Variants in DLGAP2 observed in about 807,000 individuals in gnomAD.
DLGAP2 encodes the protein DLG associated protein 2, also known as disks large-associated protein 2.
In DLGAP2, 26 loss-of-function variants were observed where a neutral mutation model predicts 100.3. That is an observed-to-expected ratio of 0.26 (90% confidence interval 0.19 to 0.36). The LOEUF (loss-of-function observed/expected upper bound fraction) is 0.36. Among genes scored for constraint, DLGAP2 ranks in the 10% least tolerant of loss-of-function variants. DLGAP2 has a pLI of 1.00. For synonymous variants in DLGAP2, 886 were observed against 630.1 expected (o/e 1.41, Z -6.08); for missense variants, 1,858 against 1,453.2 (o/e 1.28, Z -4.53).
chr8:1,133,051 G>A (rs983829050), intron 2 of DLGAP2, among the ~76,000 whole-genome samples: 2 of 152,166 alleles, frequency 1.3e-5, no homozygotes, highest in Non-Finnish European at 2.9e-5. Flanking sequence ...GTCCTTAGTC[G>A]GGGTCAGAGC....
Position 1,007,808 on chromosome 8 carries a change from A to G in DLGAP2, c.73+99842A>G, listed in dbSNP as rs112957256. On this transcript the variant is annotated intron_variant, in intron 2 of 14. Transcript: ENST00000637795. ...GAAATTCATTCTGATTTTAAGGACA[A>G]TGCTTTTGGTTAATTTGTGCCCAGT... Among the ~76,000 whole-genome samples, 1,118 of 152,290 alleles carry G rather than the reference A, an allele frequency of 7.3e-3. 8 individuals are homozygous for G. The highest frequency in any genetic ancestry group is 0.034 in the South Asian group (164 of 4,816).
intron 1 of DLGAP2, among the ~76,000 whole-genome samples, chr8:820,724 A>C (rs1307203820): frequency 6.6e-6 from 1 of 152,190 alleles, no homozygotes; most frequent in African/African-American, 2.4e-5. Flanking sequence ...CTGTCTAGAA[A>C]CCTATCTGCA....
At chr8:958,787 A>T (rs1799655703) in intron 2 of DLGAP2, among the ~76,000 whole-genome samples, 2 of 152,150 alleles carry the variant, frequency 1.3e-5, no homozygotes. Flanking sequence ...ATTGAAATGG[A>T]AAGGGCATAT....
intron 1 of DLGAP2, among the ~76,000 whole-genome samples, chr8:830,174 G>C (rs1281778185): frequency 6.6e-6 from 1 of 152,078 alleles, no homozygotes. Flanking sequence ...TAATTTTTGT[G>C]GGTACATAGT....
intron 2 of DLGAP2, among the ~76,000 whole-genome samples, chr8:996,693 C>T (rs950077101): frequency 6.6e-6 from 1 of 152,156 alleles, no homozygotes; most frequent in Non-Finnish European, 1.5e-5. Context: ...AATGAAACCC[C>T]CTCAAGTTAA....
intron 3 of DLGAP2, among the ~76,000 whole-genome samples, chr8:1,437,316 T>G (rs1431996298): frequency 5.3e-5 from 8 of 152,246 alleles, no homozygotes; most frequent in Non-Finnish European, 2.9e-5. Context: ...CGGGTTTGTA[T>G]CAGTGCGCTC....
At chr8:1,693,925 T>C (rs529303729) in intron 13 of DLGAP2, among the ~76,000 whole-genome samples, 67 of 152,328 alleles carry the variant, frequency 4.4e-4, no homozygotes, top group African/African-American at 1.5e-3. Context: ...AAGGAATTGA[T>C]TCGGGCCACT....
chr8:1,441,284 A>G (rs988948462), intron 3 of DLGAP2, among the ~76,000 whole-genome samples: 1 of 152,216 alleles, frequency 6.6e-6, no homozygotes, highest in African/African-American at 2.4e-5. Flanking sequence ...TTAAAATTGC[A>G]TAAAATTACG....
At chr8:1,540,888 C>G (rs925334117) in intron 4 of DLGAP2, among the ~76,000 whole-genome samples, 3 of 152,216 alleles carry the variant, frequency 2.0e-5, no homozygotes, top group African/African-American at 7.2e-5. Flanking sequence ...ATTTTAGAAA[C>G]AGTAGAATTT....
At chr8:824,899 C>G (rs771560718) in intron 1 of DLGAP2, among the ~76,000 whole-genome samples, 23 of 152,184 alleles carry the variant, frequency 1.5e-4, no homozygotes, top group Non-Finnish European at 2.5e-4. Context: ...GCATCTCACT[C>G]CCTGAGGGGC....
chr8:1,202,622 G>T (rs968866266), intron 2 of DLGAP2, among the ~76,000 whole-genome samples: 2 of 152,160 alleles, frequency 1.3e-5, no homozygotes, highest in African/African-American at 4.8e-5. Context: ...ACAGTCACAG[G>T]CAGAGGCTCT....
At chr8:1,002,419 C>T (rs912455143) in intron 2 of DLGAP2, 7 of 152,206 alleles carry the variant, frequency 4.6e-5, no homozygotes, top group Non-Finnish European at 8.8e-5. Flanking sequence ...TAAAAAGAGC[C>T]AAGCCTTAAA....
chr8:959,663 G>C (rs756300822), intron 2 of DLGAP2, among the ~76,000 whole-genome samples: 6 of 152,190 alleles, frequency 3.9e-5, no homozygotes, highest in Non-Finnish European at 8.8e-5. Context: ...CCAGTCATGT[G>C]ACATTGTGAG....
chr8:837,973 T>A (rs1796912988), intron 1 of DLGAP2, among the ~76,000 whole-genome samples: 1 of 150,560 alleles, frequency 6.6e-6, no homozygotes, highest in Non-Finnish European at 1.5e-5. Context: ...GTGATCTGCC[T>A]GCCTTGGCCT....
At chr8:994,155 G>A (rs548372826) in intron 2 of DLGAP2, among the ~76,000 whole-genome samples, 33 of 152,208 alleles carry the variant, frequency 2.2e-4, no homozygotes, top group Middle Eastern at 3.4e-3. Context: ...GGAGTTTTGC[G>A]AAGTAGATAG....
intron 2 of DLGAP2, among the ~76,000 whole-genome samples, chr8:1,132,256 T>C (rs1192113920): frequency 6.6e-6 from 1 of 152,228 alleles, no homozygotes; most frequent in Non-Finnish European, 1.5e-5. Flanking sequence ...ATTTTGTTTT[T>C]GGTGATTTTT....
At chr8:906,186 C>T (rs1471449177) in intron 1 of DLGAP2, among the ~76,000 whole-genome samples, 1 of 152,178 alleles carries the variant, frequency 6.6e-6, no homozygotes, top group Non-Finnish European at 1.5e-5. Context: ...GGAAGAGATC[C>T]CTTAGGTGGT....
chr8:877,463 A>C (rs575170774), intron 1 of DLGAP2, among the ~76,000 whole-genome samples: 4 of 152,322 alleles, frequency 2.6e-5, no homozygotes, highest in African/African-American at 9.6e-5. Context: ...TGGTATGGGC[A>C]GGCTTTCTTC....
intron 3 of DLGAP2, among the ~76,000 whole-genome samples, chr8:1,275,229 G>A (rs1020228697): frequency 5.3e-5 from 8 of 151,956 alleles, no homozygotes; most frequent in East Asian, 1.9e-4. Flanking sequence ...ATTCCTTTAC[G>A]GTCACATGGT....
Sources: allele counts gnomAD v4.1 joint callset (sites outside exome capture counted in the v4.1 genomes callset), GRCh38; gene constraint gnomAD v4.1.1; transcripts MANE v1.5; gene names NCBI Gene and HGNC (gene_info 2026-07-23, HGNC 2026-07-21).